The following KANSL3 variants were observed in gnomAD, a reference collection of about 807,000 sequenced individuals.
KANSL3 encodes NSL complex protein NSL3.
In KANSL3, 16 loss-of-function variants were observed where a neutral mutation model predicts 89.2. That is an observed-to-expected ratio of 0.18 (90% confidence interval 0.12 to 0.27). The LOEUF is 0.27. KANSL3 is among the 10% of genes least tolerant of loss of function. The probability of loss-of-function intolerance (pLI) is 1.00; values close to 1 mark genes in which losing one functional copy is unlikely to be tolerated. For missense variants in KANSL3, 879 were observed against 1,110.6 expected, an observed-to-expected ratio of 0.79 and a Z score of 2.96; for synonymous variants, 385 against 419.7, an observed-to-expected ratio of 0.92 and a Z score of 1.01.
At position 96,610,835 on chromosome 2, in the gene KANSL3, T is replaced by G; in HGVS notation, c.1210A>C (p.Ile404Leu). Reference sequence around the variant, plus strand: ...TGACATTGAAGGGAATTCTGACCAATGACAAAGAGGACTGGAGTCTTCATA... The same window carrying G: ...TGACATTGAAGGGAATTCTGACCAAGGACAAAGAGGACTGGAGTCTTCATA... ...LDMKTPVLFV[I>L]GQNSLQCHPE... Residue 404 changes from isoleucine to leucine, a missense_variant, in exon 11 of 21, where the codon ATT becomes CTT. This residue lies in a region of KANSL3 where 198 missense variants were observed against 260.3 expected (regional missense o/e 0.76). Transcript: ENST00000431828. The G allele has an allele frequency of 6.2e-7, 1 of 1,613,970 alleles. No homozygotes were observed. The highest frequency in any genetic ancestry group is 1.3e-5 in the African/African-American group (1 of 75,034).
intron 3 of KANSL3, among the ~76,000 whole-genome samples, chr2:96,630,347 G>C (rs1189579848): frequency 2.0e-5 from 3 of 152,206 alleles, no homozygotes; most frequent in African/African-American, 7.2e-5. Context: ...GCAATAAAAA[G>C]CATGAAGTGC....
the KANSL3 span, among the ~76,000 whole-genome samples, chr2:96,581,159 C>T: frequency 1.3e-5 from 2 of 152,228 alleles, no homozygotes; most frequent in African/African-American, 2.4e-5. Context: ...GGCACGGTGG[C>T]TCACGCCTGT....
At position 96,637,163 on chromosome 2, in the gene KANSL3, A is replaced by T; in HGVS notation, c.-28T>A. 1 of 1,453,490 alleles carries T rather than the reference A, an allele frequency of 6.9e-7. No homozygotes were observed. Among genetic ancestry groups the T allele is most frequent in the South Asian group, 1.2e-5 (1 of 81,526 alleles). The allele number at this position is 1,453,490 out of a possible 1,614,324, so 90.0% of individuals were successfully genotyped here. On this transcript the variant is annotated 5_prime_UTR_variant, in exon 2 of 21. An upstream start codon of the reference 5' UTR is lost. Transcript: ENST00000431828. ...CAGTGGAGGGGCAGAAAGTCAGAGC[A>T]TGGGTATCTGCATGCTAGTCACCTG... is the stretch of plus-strand genomic sequence containing the variant.
chr2:96,614,748 G>A (rs2069646354), intron 5 of KANSL3, among the ~76,000 whole-genome samples: 1 of 146,832 alleles, frequency 6.8e-6, no homozygotes. Context: ...TCCAGCCTAG[G>A]CAACAGAGTG....
chr2:96,619,295 A>T (rs1346046205), intron 5 of KANSL3, 64 bp downstream of exon 5: 2 of 1,480,442 alleles, frequency 1.4e-6, no homozygotes, highest in Non-Finnish European at 1.8e-6. Context: ...CTAACCCCAC[A>T]TCCTGAACCC....
intron 3 of KANSL3, among the ~76,000 whole-genome samples, chr2:96,624,549 T>C (rs1385921583): frequency 2.0e-5 from 3 of 152,204 alleles, no homozygotes; most frequent in Admixed American, 1.3e-4. Flanking sequence ...GTTGAGACAG[T>C]CTTGCTCTGT....
intron 20 of KANSL3, among the ~76,000 whole-genome samples, chr2:96,597,178 C>T (rs1321122223): frequency 6.6e-6 from 1 of 152,160 alleles, no homozygotes; most frequent in Non-Finnish European, 1.5e-5. Context: ...ACCATTATCA[C>T]ACATTAAAAA....
chr2:96,605,345 A>C lies in KANSL3; in HGVS notation c.1908T>G (p.Ala636=), dbSNP rs2067816197. 3.1e-6 allele frequency: 5 copies of C among 1,611,836 alleles called. No homozygotes were observed. Among genetic ancestry groups the C allele is most frequent in the Admixed American group, 1.7e-5 (1 of 59,872 alleles). ...CTTCTGGAGCACTTCCTTGGGAAGG[A>C]GCACAAGGCCCTCCAGCTGTGTCCC... ...SQGDTAGGPC[A]PSQGSAPEAA... The change falls in exon 15 of 21, where the codon GCT becomes GCG. Residue 636 remains alanine (A), a synonymous_variant. Transcript: ENST00000431828.
intron 6 of KANSL3, 104 bp from the exon 7 acceptor site, chr2:96,613,038 C>T: frequency 2.6e-6 from 2 of 760,282 alleles, no homozygotes; most frequent in Non-Finnish European, 4.6e-6. Context: ...TGCTCCTTTG[C>T]TTGTGAAATT....
intron 2 of KANSL3, 151 bp downstream of exon 2, chr2:96,636,767 CCTG>C: frequency 1.3e-5 from 8 of 594,938 alleles, no homozygotes; most frequent in Non-Finnish European, 2.0e-5. Flanking sequence ...CACATTCAAG[CCTG>C]CTATCCTTAT....
chr2:96,610,900 T>C lies in KANSL3; in HGVS notation c.1162-17A>G. ...ATCTACATCCTAAAACAGGTATAGG[T>C]TTTAGAATCGGCTTCTTCATATTCA... is the stretch of plus-strand genomic sequence containing the variant. On this transcript the variant is annotated splice_polypyrimidine_tract_variant and intron_variant, in intron 10 of 20. Transcript: ENST00000431828. 1.9e-6 allele frequency: 3 copies of C among 1,610,346 alleles called. No individual in the cohort carries two copies. The highest frequency in any genetic ancestry group is 2.5e-6 in the Non-Finnish European group (3 of 1,176,918).
intron 13 of KANSL3, 97 bp from the exon 14 acceptor site, chr2:96,608,761 A>G (rs1161897954): frequency 1.3e-5 from 21 of 1,560,200 alleles, no homozygotes; most frequent in Non-Finnish European, 1.7e-5. Context: ...AGGAACTCAC[A>G]GGCCCATGGC....
intron 20 of KANSL3, chr2:96,598,270 C>T (rs1434009029): frequency 4.1e-6 from 1 of 241,798 alleles, no homozygotes; most frequent in Non-Finnish European, 6.7e-6. Context: ...AAAGCACTTC[C>T]CATCTCATTC....
chr2:96,624,580 G>T (rs1225482486), intron 3 of KANSL3, among the ~76,000 whole-genome samples: 1 of 152,152 alleles, frequency 6.6e-6, no homozygotes, highest in East Asian at 1.9e-4. Context: ...GGAGCGCAAT[G>T]GCGTGATCTC....
intron 2 of KANSL3, among the ~76,000 whole-genome samples, chr2:96,632,187 A>G (rs1487840618): frequency 6.6e-6 from 1 of 152,168 alleles, no homozygotes; most frequent in Admixed American, 6.6e-5. Context: ...AATGACAAAT[A>G]TAGCCAGGCA....
chr2:96,632,254 G>C (rs983356687), intron 2 of KANSL3, among the ~76,000 whole-genome samples: 9 of 152,108 alleles, frequency 5.9e-5, no homozygotes, highest in African/African-American at 2.2e-4. Context: ...GATTGTTTAA[G>C]CCCAGAAGTT....
At chr2:96,608,467 G>A in intron 14 of KANSL3, 41 bp downstream of exon 14, 1 of 1,609,164 alleles carries the variant, frequency 6.2e-7, no homozygotes. Flanking sequence ...ATGAACTACA[G>A]AAGACAGACC....
intron 2 of KANSL3, among the ~76,000 whole-genome samples, chr2:96,633,778 T>C (rs1218530814): frequency 2.0e-5 from 3 of 151,766 alleles, no homozygotes; most frequent in Non-Finnish European, 2.9e-5. Flanking sequence ...AGCAGGAGAA[T>C]TGCTTGAATC....
At chr2:96,629,557 G>T (rs892957550) in intron 3 of KANSL3, among the ~76,000 whole-genome samples, 6 of 152,160 alleles carry the variant, frequency 3.9e-5, no homozygotes, top group African/African-American at 7.2e-5. Flanking sequence ...CCCGACCTCA[G>T]GTGATCCACC....
Sources: gnomAD v4.1 joint callset for allele counts (sites outside exome capture counted in the v4.1 genomes callset) on GRCh38, gnomAD v4.1.1 for gene constraint, gnomAD v4.1.1 regional missense constraint, MANE v1.5 for transcripts, NCBI Gene and HGNC (gene_info 2026-07-23, HGNC 2026-07-21) for gene names.